ARID1A: variants seen among roughly 807,000 people sequenced by gnomAD.
The protein encoded by ARID1A is AT-rich interactive domain-containing protein 1A.
In ARID1A, 20 loss-of-function variants were observed where a neutral mutation model predicts 212.6. The observed-to-expected ratio is 0.09, with a 90% CI of 0.07 to 0.14. The LOEUF (loss-of-function observed/expected upper bound fraction) is 0.14. ARID1A is among the 10% of genes least tolerant of loss of function. The pLI is 1.00. For synonymous variants in ARID1A, 1,376 were observed against 1,222.1 expected, an observed-to-expected ratio of 1.13 and a Z score of -2.63; for missense variants, 2,587 against 3,059.0, an observed-to-expected ratio of 0.85 and a Z score of 3.64.
intron 4 of ARID1A, among the ~76,000 whole-genome samples, chr1:26,756,795 C>T (rs1299471878): frequency 2.0e-5 from 3 of 151,750 alleles, no homozygotes; most frequent in African/African-American, 7.2e-5. Context: ...CTGCGCCTTC[C>T]AGATTCACGC....
chr1:26,713,994 TG>T (rs1260356136), intron 1 of ARID1A, among the ~76,000 whole-genome samples: 1 of 152,244 alleles, frequency 6.6e-6, no homozygotes, highest in Non-Finnish European at 1.5e-5. Flanking sequence ...TTAAGATAGC[TG>T]GGCTCACCCA....
chr1:26,773,019 C>T (rs760002896), intron 14 of ARID1A, 32 bp downstream of exon 14: 2 of 1,588,538 alleles, frequency 1.3e-6, no homozygotes, highest in Admixed American at 3.4e-5. Context: ...TGAACTTGTG[C>T]TCGTAAAGAC....
At chr1:26,707,970 A>T (rs2080409709) in intron 1 of ARID1A, among the ~76,000 whole-genome samples, 1 of 152,234 alleles carries the variant, frequency 6.6e-6, no homozygotes. Context: ...TGTTTAGGAC[A>T]TTATTTTTAC....
intron 1 of ARID1A, among the ~76,000 whole-genome samples, chr1:26,717,725 TA>T (rs1374242105): frequency 6.6e-6 from 1 of 152,174 alleles, no homozygotes; most frequent in Non-Finnish European, 1.5e-5. Context: ...TATAGTATGC[TA>T]GTGATACATG....
chr1:26,708,042 T>A (rs1039638401), intron 1 of ARID1A, among the ~76,000 whole-genome samples: 1 of 152,270 alleles, frequency 6.6e-6, no homozygotes, highest in Non-Finnish European at 1.5e-5. Context: ...CAATTTGACA[T>A]CGTGCCTAGA....
chr1:26,743,107 C>G (rs1287178071), intron 4 of ARID1A, among the ~76,000 whole-genome samples: 1 of 152,192 alleles, frequency 6.6e-6, no homozygotes, highest in Non-Finnish European at 1.5e-5. Flanking sequence ...GGGACCCTGG[C>G]TCCCAGTGCC....
chr1:26,725,964 C>T (rs968787662), intron 1 of ARID1A, among the ~76,000 whole-genome samples: 1 of 151,074 alleles, frequency 6.6e-6, no homozygotes, highest in Non-Finnish European at 1.5e-5. Flanking sequence ...AAGTGGTTCA[C>T]CTGCCTCAGC....
At position 26,771,516 on chromosome 1, in the gene ARID1A, T is replaced by C. The variant is rs1009600745; in HGVS notation, c.3406+190T>C. On this transcript the variant is annotated intron_variant, in intron 12 of 19. Transcript: ENST00000324856. This position sits in a 1 kb window ranked among gnomAD's most constrained non-coding sequence, Gnocchi z 5.4. Reference sequence around the variant, plus strand: ...GTGGAAACTCCCTTGGGAGGTACTCTACGGCAGCTCTTAAGTTTTAATTTT... The same window carrying C: ...GTGGAAACTCCCTTGGGAGGTACTCCACGGCAGCTCTTAAGTTTTAATTTT... 7 of 614,838 alleles carry C rather than the reference T, an allele frequency of 1.1e-5. No individual in the cohort carries two copies. In the Admixed American group the frequency reaches 2.1e-4, roughly 19 times the overall value. 38.1% of individuals were successfully genotyped at this position (614,838 alleles called of 1,614,324 possible). A position where few individuals can be genotyped will look rare whatever the true frequency, so the allele number is the denominator to read the frequency against.
chr1:26,721,698 T>C (rs1276844352), intron 1 of ARID1A, among the ~76,000 whole-genome samples: 4 of 152,238 alleles, frequency 2.6e-5, no homozygotes, highest in African/African-American at 9.6e-5. Context: ...ATGTGGCTAA[T>C]GAAAGTGCCC....
Position 26,774,082 on chromosome 1 carries a change from AG to A in ARID1A, c.4101+188del. 1 of 1,077,014 alleles carries A rather than the reference AG, an allele frequency of 9.3e-7. No individual in the cohort carries two copies. Among genetic ancestry groups the A allele is most frequent in the Non-Finnish European group, 1.3e-6 (1 of 762,690 alleles). 66.7% of individuals were successfully genotyped at this position (1,077,014 alleles called of 1,614,324 possible). ...AATCTCTTCTCTATTTGGAGTTGGA[AG>A]GGGCTAGAAATAGACCTTATTTTGA... On this transcript the variant is annotated intron_variant, in intron 17 of 19. Coordinates refer to ENST00000324856, the MANE Select transcript of ARID1A (RefSeq NM_006015.6). The surrounding 1 kb of genome is among the most constrained non-coding windows in gnomAD (Gnocchi z 5.6).
chr1:26,700,801 GCT>G (rs997561949), intron 1 of ARID1A, among the ~76,000 whole-genome samples: 4 of 152,222 alleles, frequency 2.6e-5, no homozygotes, highest in African/African-American at 9.6e-5. Context: ...GACTCTTGGA[GCT>G]CTCTCAAGTA....
rs2081095132 is a variant in ARID1A at position 26,772,758 on chromosome 1, T to TA, written c.3540-53dup. On this transcript the variant is annotated intron_variant, in intron 13 of 19. Transcript: ENST00000324856. Reference sequence around the variant, plus strand: ...CCAGTGACTCCTGCGTGTCCTTTGTTATATTGGAGGAATTGGTTTATTTGT... The same window carrying TA: ...CCAGTGACTCCTGCGTGTCCTTTGTTAATATTGGAGGAATTGGTTTATTTGT... 4.4e-6 allele frequency: 7 copies of TA among 1,606,544 alleles called. No individual in the cohort carries two copies. The East Asian group carries it at 1.6e-4, about 36-fold the overall frequency.
In ARID1A at chr1:26,710,453, G is replaced by A. The variant is rs879182817; in HGVS notation, c.1137+12913G>A. ...ATCACACCATTGCACTCCAGCCTGG[G>A]CGACAGAGCGAGATGCCATCTCAAA... On this transcript the variant is annotated intron_variant, in intron 1 of 19. Transcript: ENST00000324856. Among the ~76,000 whole-genome samples, 4 of 147,024 alleles carry A rather than the reference G, an allele frequency of 2.7e-5. No homozygotes were observed. In the Admixed American group the frequency reaches 2.7e-4, roughly 10 times the overall value.
chr1:26,710,390 C>T (rs1003173943), intron 1 of ARID1A, among the ~76,000 whole-genome samples: 6 of 138,958 alleles, frequency 4.3e-5, no homozygotes, highest in South Asian at 2.2e-4. Context: ...GCCGAGATCA[C>T]GCTTGAACCT....
chr1:26,750,970 G>C (rs1022869116), intron 4 of ARID1A, among the ~76,000 whole-genome samples: 1 of 151,950 alleles, frequency 6.6e-6, no homozygotes, highest in African/African-American at 2.4e-5. Context: ...TAGGAAAGAG[G>C]GGGGCCGGGC....
At chr1:26,756,954 A>G (rs952745870) in intron 4 of ARID1A, among the ~76,000 whole-genome samples, 6 of 152,172 alleles carry the variant, frequency 3.9e-5, no homozygotes, top group Admixed American at 2.0e-4. Context: ...CGCCCGCCTC[A>G]GCCTCCCAAA....
rs1226835121 is a variant in ARID1A at position 26,761,482 on chromosome 1, C to G, written c.2251+9C>G. 6.2e-7 allele frequency: 1 copy of G among 1,614,012 alleles called. No individual in the cohort carries two copies. The highest frequency in any genetic ancestry group is 1.1e-5 in the South Asian group (1 of 91,078). Reference sequence around the variant, plus strand: ...CATTGCCCAAGATCGAGGTGAGAGCCTGGGTGTTGGGGAGGGGCAGGGAGC... The same window carrying G: ...CATTGCCCAAGATCGAGGTGAGAGCGTGGGTGTTGGGGAGGGGCAGGGAGC... On this transcript the variant is annotated intron_variant, in intron 6 of 19. Transcript: ENST00000324856.
At position 26,779,379 on chromosome 1, in the gene ARID1A, C is replaced by T. The variant is rs1232563490; in HGVS notation, c.5481C>T (p.Cys1827=). 2 of 1,614,200 alleles carry T rather than the reference C, an allele frequency of 1.2e-6. No individual in the cohort carries two copies. Among genetic ancestry groups the T allele is most frequent in the Admixed American group, 1.7e-5 (1 of 60,024 alleles). The part of the protein sequence containing the change: ...VQKNDPFVVD[C]SDKLGRVQEF... ...AGAATGATCCATTTGTGGTGGACTG[C>T]TCAGATAAGCTTGGGCGTGTGCAGG... The change falls in exon 20 of 20, where the codon TGC becomes TGT. Residue 1827 remains cysteine, a synonymous_variant. Coordinates refer to ENST00000324856, the MANE Select transcript of ARID1A (RefSeq NM_006015.6).
intron 19 of ARID1A, among the ~76,000 whole-genome samples, chr1:26,776,378 A>G (rs865850281): frequency 6.7e-6 from 1 of 149,034 alleles, no homozygotes; most frequent in African/African-American, 2.5e-5. Flanking sequence ...GGTACATGCC[A>G]TTCTCCTGCC....
Sources: gnomAD v4.1 joint callset for allele counts (sites outside exome capture counted in the v4.1 genomes callset) on GRCh38, gnomAD v4.1.1 for gene constraint, Gnocchi (gnomAD v3.1) non-coding constraint, MANE v1.5 for transcripts, NCBI Gene and HGNC (gene_info 2026-07-23, HGNC 2026-07-21) for gene names.